CNTNAP2: variants seen among roughly 807,000 people sequenced by gnomAD.
The protein encoded by CNTNAP2 is contactin-associated protein-like 2.
Under a neutral mutation model 155.2 loss-of-function variants are expected in CNTNAP2, and 98 were observed. That is an observed-to-expected ratio of 0.63 (90% CI 0.54 to 0.75). CNTNAP2 has a LOEUF of 0.75. Ranked by LOEUF, CNTNAP2 falls within the 30% of genes least tolerant of loss-of-function variation. The pLI, the probability that CNTNAP2 is intolerant of heterozygous loss-of-function variation, is 0.00. For missense variants in CNTNAP2, 1,727 were observed against 1,688.1 expected (o/e 1.02, Z -0.40); for synonymous variants, 651 against 631.2 (o/e 1.03, Z -0.47).
chr7:148,129,264 T>C (rs556258878), intron 16 of CNTNAP2, among the ~76,000 whole-genome samples: 47 of 152,176 alleles, frequency 3.1e-4, no homozygotes, highest in Non-Finnish European at 5.7e-4. Flanking sequence ...AAAAAGAAAG[T>C]AAACATCAGA....
intron 1 of CNTNAP2, among the ~76,000 whole-genome samples, chr7:146,568,624 C>G (rs529261337): frequency 2.0e-5 from 3 of 152,232 alleles, no homozygotes; most frequent in Admixed American, 1.3e-4. Flanking sequence ...AGTCTGCATA[C>G]AGATTCTTGA....
chr7:146,966,834 C>T (rs544406110), intron 3 of CNTNAP2, among the ~76,000 whole-genome samples: 1 of 152,300 alleles, frequency 6.6e-6, no homozygotes, highest in South Asian at 2.1e-4. Context: ...ATATCTAGTT[C>T]AGCCTAAATC....
chr7:146,513,646 TAAC>T (rs2129136000), intron 1 of CNTNAP2, among the ~76,000 whole-genome samples: 1 of 152,096 alleles, frequency 6.6e-6, no homozygotes, highest in South Asian at 2.1e-4. Flanking sequence ...TTATATCTCT[TAAC>T]AAGTTCTCAT....
chr7:146,120,344 C>T (rs1797543554), intron 1 of CNTNAP2, among the ~76,000 whole-genome samples: 1 of 152,048 alleles, frequency 6.6e-6, no homozygotes, highest in Admixed American at 6.5e-5. Context: ...CTTAATGCAA[C>T]TAATAATTAT....
At chr7:147,457,435 A>G (rs879267511) in intron 10 of CNTNAP2, among the ~76,000 whole-genome samples, 1 of 152,164 alleles carries the variant, frequency 6.6e-6, no homozygotes, top group Non-Finnish European at 1.5e-5. Context: ...ACATCACCAG[A>G]AAAGCCCATC....
At chr7:147,115,752 A>G (rs1800973583) in intron 5 of CNTNAP2, among the ~76,000 whole-genome samples, 1 of 152,114 alleles carries the variant, frequency 6.6e-6, no homozygotes, top group African/African-American at 2.4e-5. Context: ...ATGGGGTACA[A>G]CATGCTCCTT....
chr7:146,608,058 G>A (rs1799076641), intron 1 of CNTNAP2, among the ~76,000 whole-genome samples: 1 of 152,120 alleles, frequency 6.6e-6, no homozygotes, highest in Non-Finnish European at 1.5e-5. Context: ...CTATATTTAA[G>A]CATTATTAAT....
chr7:147,907,247 G>A (rs931075309), intron 14 of CNTNAP2, among the ~76,000 whole-genome samples: 43 of 151,976 alleles, frequency 2.8e-4, no homozygotes, highest in Admixed American at 6.6e-4. Flanking sequence ...TAGTAGAGAC[G>A]GGGTTTCACC....
At chr7:147,986,103 A>G (rs1801614357) in intron 15 of CNTNAP2, among the ~76,000 whole-genome samples, 1 of 152,106 alleles carries the variant, frequency 6.6e-6, no homozygotes, top group Non-Finnish European at 1.5e-5. Context: ...CTGAAAGCTT[A>G]TCTCTGATTC....
At position 147,200,053 on chromosome 7, in the gene CNTNAP2, TTCCCCC is replaced by T. The variant is rs566444332; in HGVS notation, c.1348+67560_1348+67565del. Among the ~76,000 whole-genome samples the T allele has an allele frequency of 3.3e-4, 50 of 151,988 alleles. 2 individuals are homozygous for T. The East Asian group carries it at 8.4e-3, about 25-fold the overall frequency. ...GTTGGCTCTCAGATCCTCAGCCAGT[TTCCCCC>T]TCCCCCTCCCCCTCCTCCTTTCTCA... On this transcript the variant is annotated intron_variant, in intron 8 of 23. Coordinates refer to ENST00000361727, the MANE Select transcript of CNTNAP2 (RefSeq NM_014141.6).
At chr7:146,354,173 C>T (rs1029204036) in intron 1 of CNTNAP2, among the ~76,000 whole-genome samples, 5 of 152,106 alleles carry the variant, frequency 3.3e-5, no homozygotes, top group African/African-American at 4.8e-5. Flanking sequence ...GTTCATTTTT[C>T]GCTACTTACC....
chr7:147,302,257 T>C (rs1246883078), intron 9 of CNTNAP2, among the ~76,000 whole-genome samples: 1 of 152,244 alleles, frequency 6.6e-6, no homozygotes, highest in East Asian at 1.9e-4. Flanking sequence ...ATCCCTTGAC[T>C]GGAATATTTT....
At position 146,843,221 on chromosome 7, in the gene CNTNAP2, C is replaced by G. The variant is rs529683909; in HGVS notation, c.402+3317C>G. Reference sequence around the variant, plus strand: ...TAGAGACGGGGTTTCACCTTGTTAGCCAGGATGGTCTCGATCTCCTGACCT... The same window carrying G: ...TAGAGACGGGGTTTCACCTTGTTAGGCAGGATGGTCTCGATCTCCTGACCT... On this transcript the variant is annotated intron_variant, in intron 3 of 23. Coordinates refer to ENST00000361727, the MANE Select transcript of CNTNAP2 (RefSeq NM_014141.6). 4.9e-5 allele frequency among the ~76,000 whole-genome samples: 7 copies of G among 142,166 alleles called. No individual in the cohort carries two copies. The East Asian group carries it at 1.4e-3, about 29-fold the overall frequency. The allele number at this position is 142,166 out of a possible 152,430, so 93.3% of individuals were successfully genotyped here. A position where few individuals can be genotyped will look rare whatever the true frequency, so the allele number is the denominator to read the frequency against.
intron 1 of CNTNAP2, among the ~76,000 whole-genome samples, chr7:146,423,767 T>A (rs2129114793): frequency 6.6e-6 from 1 of 152,332 alleles, no homozygotes; most frequent in Non-Finnish European, 1.5e-5. Flanking sequence ...TAAAAACAGT[T>A]ATAGCAAACA....
At chr7:148,025,014 C>T (rs920723385) in intron 15 of CNTNAP2, among the ~76,000 whole-genome samples, 1 of 152,206 alleles carries the variant, frequency 6.6e-6, no homozygotes, top group Non-Finnish European at 1.5e-5. Context: ...AAAAATGATA[C>T]ATCCCTTCCT....
intron 8 of CNTNAP2, among the ~76,000 whole-genome samples, chr7:147,141,949 C>T (rs569657858): frequency 3.3e-4 from 51 of 152,276 alleles, no homozygotes; most frequent in Admixed American, 2.9e-3. Context: ...GCTGAAGTTG[C>T]CTATCAGCTT....
chr7:146,687,022 G>A (rs1197765856), intron 1 of CNTNAP2, among the ~76,000 whole-genome samples: 1 of 152,096 alleles, frequency 6.6e-6, no homozygotes, highest in Non-Finnish European at 1.5e-5. Flanking sequence ...TGCCTAACTA[G>A]CATTCTTCTT....
intron 20 of CNTNAP2, among the ~76,000 whole-genome samples, chr7:148,246,718 A>G (rs1426714910): frequency 6.6e-6 from 1 of 152,240 alleles, no homozygotes; most frequent in Non-Finnish European, 1.5e-5. Flanking sequence ...ATCATCCAGC[A>G]AAGACTTATT....
At chr7:147,193,539 A>G (rs1381964919) in intron 8 of CNTNAP2, among the ~76,000 whole-genome samples, 2 of 152,170 alleles carry the variant, frequency 1.3e-5, no homozygotes, top group Non-Finnish European at 2.9e-5. Flanking sequence ...ATTTAAGTAG[A>G]TTTTTGTAAG....
Sources: allele counts gnomAD v4.1 joint callset (sites outside exome capture counted in the v4.1 genomes callset), GRCh38; gene constraint gnomAD v4.1.1; transcripts MANE v1.5; gene names NCBI Gene and HGNC (gene_info 2026-07-23, HGNC 2026-07-21).